Variants in CFAP299 observed in about 807,000 individuals in gnomAD.
CFAP299 encodes cilia- and flagella-associated protein 299.
In CFAP299, 21 loss-of-function variants were observed where a neutral mutation model predicts 27.0. The observed-to-expected ratio is 0.78, with a 90% CI of 0.55 to 1.12. CFAP299 has a LOEUF of 1.12. Among genes scored for constraint, CFAP299 ranks in the 50% most tolerant of loss-of-function variants. The probability of loss-of-function intolerance (pLI) is 0.00; values close to 1 mark genes in which losing one functional copy is unlikely to be tolerated. For missense variants in CFAP299, 310 were observed against 276.6 expected (o/e 1.12, Z -0.86); for synonymous variants, 104 against 98.1 (o/e 1.06, Z -0.36).
rs559201212 is a variant in CFAP299 at position 80,894,726 on chromosome 4, T to C, written c.476+24591T>C. ...AAAAATGTAACCACTATCTCAAATA[T>C]TTGAACTCCTATGTTCATTGCAGAA... On this transcript the variant is annotated intron_variant, in intron 4 of 5. Coordinates refer to ENST00000358105, the MANE Select transcript of CFAP299 (RefSeq NM_152770.3). 7.2e-5 allele frequency among the ~76,000 whole-genome samples: 11 copies of C among 152,110 alleles called. No homozygotes were observed. The South Asian group carries it at 2.3e-3, about 31-fold the overall frequency.
At chr4:80,903,446 T>C (rs1735027688) in intron 4 of CFAP299, among the ~76,000 whole-genome samples, 1 of 152,034 alleles carries the variant, frequency 6.6e-6, no homozygotes, top group African/African-American at 2.4e-5. Flanking sequence ...TGCTATAATA[T>C]TATTTTGTTC....
At chr4:80,545,166 C>A (rs1734166673) in intron 2 of CFAP299, among the ~76,000 whole-genome samples, 1 of 151,934 alleles carries the variant, frequency 6.6e-6, no homozygotes, top group Admixed American at 6.6e-5. Flanking sequence ...AAAACAGATG[C>A]AACATAAAAG....
At chr4:80,784,886 A>G (rs1010643253) in intron 3 of CFAP299, among the ~76,000 whole-genome samples, 2 of 152,138 alleles carry the variant, frequency 1.3e-5, no homozygotes, top group African/African-American at 2.4e-5. Flanking sequence ...CCATTACTTA[A>G]TCAGGTTATT....
chr4:80,812,691 A>AT (rs1192406714), intron 3 of CFAP299, among the ~76,000 whole-genome samples: 1 of 152,154 alleles, frequency 6.6e-6, no homozygotes, highest in Non-Finnish European at 1.5e-5. Context: ...TTTCAAACTG[A>AT]TAAAAACTGT....
chr4:80,792,874 G>A (rs570743305), intron 3 of CFAP299, among the ~76,000 whole-genome samples: 26 of 151,864 alleles, frequency 1.7e-4, no homozygotes, highest in Non-Finnish European at 3.5e-4. Flanking sequence ...CTTTTAGCTT[G>A]GTCTTTCCAT....
rs1350203361 is a variant in CFAP299 at position 80,638,052 on chromosome 4, A to C, written c.333+54869A>C. 2.6e-5 allele frequency among the ~76,000 whole-genome samples: 4 copies of C among 152,306 alleles called. No homozygotes were observed. The East Asian group carries it at 7.7e-4, about 29-fold the overall frequency. ...ATTTGGTGGCTACAGGAAATCTTCAAGTGTTCAGAGTTCAAGGAGATCCAG... is the reference window on the plus strand; with the variant it reads ...ATTTGGTGGCTACAGGAAATCTTCACGTGTTCAGAGTTCAAGGAGATCCAG... On this transcript the variant is annotated intron_variant, in intron 3 of 5. Transcript: ENST00000358105.
chr4:80,720,193 C>T (rs901231612), intron 3 of CFAP299, among the ~76,000 whole-genome samples: 2 of 151,454 alleles, frequency 1.3e-5, no homozygotes, highest in African/African-American at 2.4e-5. Flanking sequence ...CTAAAGAGGA[C>T]CCCCCCTCAA....
intron 3 of CFAP299, among the ~76,000 whole-genome samples, chr4:80,859,589 C>T (rs553372088): frequency 2.6e-5 from 4 of 152,196 alleles, no homozygotes; most frequent in Admixed American, 1.3e-4. Flanking sequence ...TTCAGGAACT[C>T]TTTTAGGGCA....
chr4:80,354,784 G>C (rs916606165), intron 1 of CFAP299, among the ~76,000 whole-genome samples: 2 of 151,906 alleles, frequency 1.3e-5, no homozygotes, highest in Non-Finnish European at 2.9e-5. Flanking sequence ...TTGATTTTCT[G>C]TTCCTGTGTT....
chr4:80,392,321 T>C (rs1262696473), intron 2 of CFAP299, among the ~76,000 whole-genome samples: 1 of 152,116 alleles, frequency 6.6e-6, no homozygotes, highest in African/African-American at 2.4e-5. Flanking sequence ...AAGGGCATGA[T>C]TGTGTTTTGA....
intron 2 of CFAP299, chr4:80,420,180 A>G: frequency 2.2e-6 from 1 of 456,106 alleles, no homozygotes; most frequent in South Asian, 1.5e-5. Context: ...GTCAGAGGGA[A>G]TAGATGGTAA....
At chr4:80,461,197 A>G (rs923833764) in intron 2 of CFAP299, among the ~76,000 whole-genome samples, 1 of 152,154 alleles carries the variant, frequency 6.6e-6, no homozygotes, top group Admixed American at 6.6e-5. Flanking sequence ...AGCAGGCGTT[A>G]GAGCTCTTAG....
intron 1 of CFAP299, among the ~76,000 whole-genome samples, chr4:80,348,551 A>T (rs1260664613): frequency 1.3e-5 from 2 of 152,240 alleles, no homozygotes; most frequent in African/African-American, 4.8e-5. Context: ...ATCACTGATC[A>T]TTAGGGAAAT....
intron 2 of CFAP299, among the ~76,000 whole-genome samples, chr4:80,516,984 T>A (rs1732620754): frequency 6.6e-6 from 1 of 152,224 alleles, no homozygotes; most frequent in Non-Finnish European, 1.5e-5. Flanking sequence ...CTATCTTCAG[T>A]GCCTAGTTCA....
intron 4 of CFAP299, among the ~76,000 whole-genome samples, chr4:80,901,766 C>A (rs549634391): frequency 6.6e-6 from 1 of 152,010 alleles, no homozygotes; most frequent in African/African-American, 2.4e-5. Flanking sequence ...TATATGGTTA[C>A]CTACTTTAGT....
At chr4:80,910,354 C>T (rs1466907023) in intron 4 of CFAP299, among the ~76,000 whole-genome samples, 1 of 152,032 alleles carries the variant, frequency 6.6e-6, no homozygotes, top group African/African-American at 2.4e-5. Context: ...GAATATAAAT[C>T]GTTCTGTCAT....
rs1244958165 is a variant in CFAP299, at chr4:80,833,938, T to TCTTATG, written c.334-36054_334-36053insTTATGC. Among the ~76,000 whole-genome samples, 5 of 152,194 alleles carry TCTTATG rather than the reference T, an allele frequency of 3.3e-5. No individual in the cohort carries two copies. In the East Asian group the frequency reaches 9.6e-4, roughly 29 times the overall value. On this transcript the variant is annotated intron_variant, in intron 3 of 5. Coordinates refer to ENST00000358105, the MANE Select transcript of CFAP299 (RefSeq NM_152770.3). Reference sequence around the variant, plus strand: ...AAGAAATGGAAGCTAAAGAGACCATTCCAAATCACTGGCATATGACAGTAG... The same window carrying TCTTATG: ...AAGAAATGGAAGCTAAAGAGACCATTCTTATGCCAAATCACTGGCATATGACAGTAG...
At chr4:80,780,619 T>G (rs985317021) in intron 3 of CFAP299, among the ~76,000 whole-genome samples, 11 of 152,074 alleles carry the variant, frequency 7.2e-5, no homozygotes, top group East Asian at 1.9e-4. Context: ...TCAATAAACC[T>G]ATTTATATCT....
upstream of CFAP299, among the ~76,000 whole-genome samples, chr4:80,332,105 C>T (rs751610088): frequency 2.0e-5 from 3 of 152,166 alleles, no homozygotes; most frequent in Non-Finnish European, 2.9e-5. Flanking sequence ...TCAAATGCTG[C>T]TAAATGTCAA....
Sources: allele counts gnomAD v4.1 joint callset (sites outside exome capture counted in the v4.1 genomes callset), GRCh38; gene constraint gnomAD v4.1.1; transcripts MANE v1.5; gene names NCBI Gene and HGNC (gene_info 2026-07-23, HGNC 2026-07-21).